Variants in OSBPL1A observed in about 807,000 individuals in gnomAD.
OSBPL1A encodes oxysterol binding protein like 1A.
In OSBPL1A, 80 loss-of-function variants were observed where a neutral mutation model predicts 137.1. The observed-to-expected ratio is 0.58, with a 90% CI of 0.49 to 0.70. The LOEUF (loss-of-function observed/expected upper bound fraction) is 0.70, where lower values mean the gene tolerates loss of function less well. OSBPL1A is among the 30% of genes least tolerant of loss of function. The pLI is 0.00. For missense variants in OSBPL1A, 970 were observed against 1,129.4 expected (o/e 0.86, Z 2.02); for synonymous variants, 365 against 389.7 (o/e 0.94, Z 0.75).
At chr18:24,225,016 G>A in intron 17 of OSBPL1A, 26 bp downstream of exon 17, 1 of 1,612,974 alleles carries the variant, frequency 6.2e-7, no homozygotes, top group Non-Finnish European at 8.5e-7. Flanking sequence ...AAACGCAGCA[G>A]TGACAACTGT....
At chr18:24,358,186 A>G in intron 4 of OSBPL1A, 1 of 463,936 alleles carries the variant, frequency 2.2e-6, no homozygotes, top group Non-Finnish European at 3.8e-6. Flanking sequence ...CAAGGGCAGC[A>G]ACTCCAGCCT....
chr18:24,243,090 G>A lies in OSBPL1A; in HGVS notation c.1282-3708C>T, dbSNP rs796634962. ...ACTGAAAATACAAAATAAGCCAGGC[G>A]CAGTGGCAGGAGACTGTAATCTCAA... On this transcript the variant is annotated intron_variant, in intron 15 of 27. Coordinates refer to ENST00000319481, the MANE Select transcript of OSBPL1A (RefSeq NM_080597.4). Among the ~76,000 whole-genome samples the A allele has an allele frequency of 6.6e-5, 10 of 152,196 alleles. 1 individual carries two copies. Among genetic ancestry groups the A allele is most frequent in the East Asian group, 1.9e-4 (1 of 5,178 alleles).
In OSBPL1A at chr18:24,319,570, C is replaced by T. The variant is rs193100402; in HGVS notation, c.626-761G>A. On this transcript the variant is annotated intron_variant, in intron 7 of 27. Coordinates refer to ENST00000319481, the MANE Select transcript of OSBPL1A (RefSeq NM_080597.4). ...ATCAATGTTAATTTTTCCAACCTTA[C>T]ACATGCACATTCCATGTTTTGCCCA... Among the ~76,000 whole-genome samples the T allele has an allele frequency of 5.1e-4, 77 of 152,300 alleles. No individual in the cohort carries two copies. In the East Asian group the frequency reaches 9.6e-3, roughly 19 times the overall value.
chr18:24,286,258 G>C (rs1196200147), intron 14 of OSBPL1A, among the ~76,000 whole-genome samples: 1 of 152,120 alleles, frequency 6.6e-6, no homozygotes, highest in African/African-American at 2.4e-5. Flanking sequence ...AAAAATGTTT[G>C]CACATAAAAA....
chr18:24,214,856 C>T (rs188706838), intron 17 of OSBPL1A, among the ~76,000 whole-genome samples: 10 of 152,306 alleles, frequency 6.6e-5, no homozygotes, highest in Admixed American at 4.6e-4. Flanking sequence ...GACTGTGTTG[C>T]TTTTCATGGC....
At chr18:24,188,546 A>G (rs2086810044) in intron 18 of OSBPL1A, among the ~76,000 whole-genome samples, 1 of 152,218 alleles carries the variant, frequency 6.6e-6, no homozygotes, top group Admixed American at 6.5e-5. Flanking sequence ...ACAGCTTTCC[A>G]TTTCTTTTAG....
intron 7 of OSBPL1A, among the ~76,000 whole-genome samples, chr18:24,322,748 A>C (rs2090889049): frequency 1.3e-5 from 2 of 152,154 alleles, no homozygotes; most frequent in South Asian, 4.1e-4. Context: ...AACTAGATGA[A>C]ATTCCAGAAG....
intron 17 of OSBPL1A, among the ~76,000 whole-genome samples, chr18:24,211,608 A>G (rs1252285415): frequency 6.6e-6 from 1 of 152,044 alleles, no homozygotes; most frequent in Non-Finnish European, 1.5e-5. Context: ...CATAGACAGC[A>G]GAAGGACTTT....
chr18:24,263,322 G>A (rs905441875), intron 15 of OSBPL1A, among the ~76,000 whole-genome samples: 3 of 152,142 alleles, frequency 2.0e-5, no homozygotes, highest in Non-Finnish European at 4.4e-5. Flanking sequence ...TGCTGTACTA[G>A]CTCATATGAT....
intron 17 of OSBPL1A, among the ~76,000 whole-genome samples, chr18:24,212,247 T>A (rs1015162682): frequency 3.0e-4 from 45 of 151,354 alleles, no homozygotes; most frequent in Non-Finnish European, 5.3e-4. Context: ...TTTTTTTTTT[T>A]AATTTTAGTA....
At position 24,383,105 on chromosome 18, in the gene OSBPL1A, C is replaced by T. The variant is rs575150828; in HGVS notation, c.-2-5570G>A. On this transcript the variant is annotated intron_variant, in intron 1 of 27. Coordinates refer to ENST00000319481, the MANE Select transcript of OSBPL1A (RefSeq NM_080597.4). ...TGTCTTCTTTGGTTATTTGTATTTT[C>T]CAAATTTCCTACACTATAAAGGCAT... Among the ~76,000 whole-genome samples, 54 of 151,582 alleles carry T rather than the reference C, an allele frequency of 3.6e-4. 1 individual carries two copies. The South Asian group carries it at 0.011, about 32-fold the overall frequency.
intron 13 of OSBPL1A, among the ~76,000 whole-genome samples, chr18:24,307,104 AAC>A (rs2090519219): frequency 6.6e-6 from 1 of 151,586 alleles, no homozygotes; most frequent in Non-Finnish European, 1.5e-5. Context: ...AAAAAAAAAA[AAC>A]AAAAACAAAA....
At chr18:24,231,292 C>A (rs1296316213) in intron 16 of OSBPL1A, among the ~76,000 whole-genome samples, 1 of 152,050 alleles carries the variant, frequency 6.6e-6, no homozygotes, top group African/African-American at 2.4e-5. Context: ...CTTTAAAGTT[C>A]TTTTTGTTTG....
At chr18:24,332,811 T>G in intron 7 of OSBPL1A, 131 bp downstream of exon 7, 3 of 1,127,390 alleles carry the variant, frequency 2.7e-6, no homozygotes, top group Non-Finnish European at 2.5e-6. Context: ...GTGAATGCCT[T>G]GGCTCCAAAA....
intron 4 of OSBPL1A, among the ~76,000 whole-genome samples, chr18:24,356,898 A>G (rs765437825): frequency 5.9e-5 from 9 of 152,164 alleles, no homozygotes; most frequent in Non-Finnish European, 2.9e-5. Flanking sequence ...TAGTGACCCC[A>G]ATTATAGCCA....
At chr18:24,342,810 A>T (rs1253871243) in intron 4 of OSBPL1A, among the ~76,000 whole-genome samples, 1 of 152,162 alleles carries the variant, frequency 6.6e-6, no homozygotes, top group Non-Finnish European at 1.5e-5. Flanking sequence ...ATTGTTTTAT[A>T]GCTACATTTC....
intron 2 of OSBPL1A, among the ~76,000 whole-genome samples, chr18:24,369,327 A>G (rs1485628054): frequency 2.0e-5 from 3 of 152,238 alleles, no homozygotes; most frequent in African/African-American, 2.4e-5. Flanking sequence ...CTAAAATCAC[A>G]GATTCAATTT....
chr18:24,272,066 C>T (rs2089736711), intron 15 of OSBPL1A: 2 of 982,152 alleles, frequency 2.0e-6, no homozygotes, highest in Non-Finnish European at 1.2e-6. Context: ...TCCCCAGCGC[C>T]GCTGGCGGGC....
At position 24,317,135 on chromosome 18, in the gene OSBPL1A, A is replaced by C; in HGVS notation, c.870+14T>G. The C allele has an allele frequency of 6.2e-7, 1 of 1,613,592 alleles. No individual in the cohort carries two copies. Among genetic ancestry groups the C allele is most frequent in the Non-Finnish European group, 8.5e-7 (1 of 1,179,624 alleles). On this transcript the variant is annotated intron_variant, in intron 11 of 27. Transcript: ENST00000319481. ...TCACAGTTAGAGGAGCAAATGATCC[A>C]TGTTTCATCCTACCGTGCATACTGC...
Sources: allele counts gnomAD v4.1 joint callset (sites outside exome capture counted in the v4.1 genomes callset), GRCh38; gene constraint gnomAD v4.1.1; transcripts MANE v1.5; gene names NCBI Gene and HGNC (gene_info 2026-07-23, HGNC 2026-07-21).